The following CNTNAP5 variants were observed in gnomAD, a reference collection of about 807,000 sequenced individuals.
CNTNAP5 encodes the protein contactin associated protein family member 5.
CNTNAP5 carries 72 observed loss-of-function variants against 150.2 expected under a neutral mutation model. That is an observed-to-expected ratio of 0.48 (90% CI 0.40 to 0.58). The LOEUF (loss-of-function observed/expected upper bound fraction) is 0.58. Among genes scored for constraint, CNTNAP5 ranks in the 20% least tolerant of loss-of-function variants. CNTNAP5 has a pLI of 0.00. For missense variants in CNTNAP5, 1,636 were observed against 1,626.2 expected, an observed-to-expected ratio of 1.01 and a Z score of -0.10; for synonymous variants, 672 against 619.8, an observed-to-expected ratio of 1.08 and a Z score of -1.25.
rs115866326 is a variant in CNTNAP5, at chr2:124,852,728, T to C, written c.3218-12578T>C. 5.2e-3 allele frequency among the ~76,000 whole-genome samples: 790 copies of C among 152,216 alleles called. 14 individuals carry two copies. The highest frequency in any genetic ancestry group is 0.018 in the African/African-American group (739 of 41,548). ...TTCAGATGTGTTGTAGTTGTTCAAGTGAGAGCTGGTGATGGACTGCCTTGC... is the reference window on the plus strand; with the variant it reads ...TTCAGATGTGTTGTAGTTGTTCAAGCGAGAGCTGGTGATGGACTGCCTTGC... On this transcript the variant is annotated intron_variant, in intron 19 of 23. Coordinates refer to ENST00000682447, the MANE Select transcript of CNTNAP5 (RefSeq NM_001367498.1).
intron 13 of CNTNAP5, among the ~76,000 whole-genome samples, chr2:124,716,863 C>A (rs1447721784): frequency 1.3e-5 from 2 of 152,090 alleles, no homozygotes; most frequent in Non-Finnish European, 2.9e-5. Flanking sequence ...TGGAAATACC[C>A]ATCTCTTGGG....
At chr2:124,713,650 A>G (rs1407321260) in intron 13 of CNTNAP5, among the ~76,000 whole-genome samples, 1 of 151,986 alleles carries the variant, frequency 6.6e-6, no homozygotes, top group Non-Finnish European at 1.5e-5. Flanking sequence ...TGCTGGGATT[A>G]CAGGCGTGAG....
At chr2:124,308,439 C>A (rs534174252) in intron 3 of CNTNAP5, among the ~76,000 whole-genome samples, 3 of 152,124 alleles carry the variant, frequency 2.0e-5, no homozygotes, top group African/African-American at 7.2e-5. Flanking sequence ...AAACTAAAAT[C>A]AAACCAGATG....
rs1298507979 is a variant in CNTNAP5 at position 124,598,732 on chromosome 2, C to T, written c.1757-11069C>T. On this transcript the variant is annotated intron_variant, in intron 11 of 23. Transcript: ENST00000682447. ...TCAAGCCTGGGCAATGGCGGGCGCC[C>T]CTCCCCCAGCCTCGCTGCCGCCTTG... Among the ~76,000 whole-genome samples the T allele has an allele frequency of 2.8e-3, 426 of 152,280 alleles. 1 individual carries two copies. The highest frequency in any genetic ancestry group is 9.7e-3 in the African/African-American group (402 of 41,582).
chr2:124,692,372 G>A (rs1200235212), intron 13 of CNTNAP5, among the ~76,000 whole-genome samples: 4 of 152,168 alleles, frequency 2.6e-5, no homozygotes, highest in African/African-American at 9.6e-5. Context: ...ACTGAGGGGA[G>A]TTGAGTAGTT....
At chr2:124,606,875 GT>G (rs1677233452) in intron 11 of CNTNAP5, among the ~76,000 whole-genome samples, 1 of 152,132 alleles carries the variant, frequency 6.6e-6, no homozygotes, top group Non-Finnish European at 1.5e-5. Context: ...AATTGTGGGA[GT>G]TACAATTCAA....
At chr2:124,543,657 C>T (rs944314607) in intron 10 of CNTNAP5, among the ~76,000 whole-genome samples, 2 of 152,146 alleles carry the variant, frequency 1.3e-5, no homozygotes, top group Non-Finnish European at 2.9e-5. Context: ...CATACACTGC[C>T]ACTGTTTTTT....
intron 17 of CNTNAP5, chr2:124,778,421 C>T (rs1178472974): frequency 2.0e-5 from 3 of 152,390 alleles, no homozygotes; most frequent in Admixed American, 1.3e-4. Flanking sequence ...TTTTTGAACA[C>T]ATGCACAAGT....
At chr2:124,710,317 C>A (rs1679780202) in intron 13 of CNTNAP5, among the ~76,000 whole-genome samples, 1 of 152,146 alleles carries the variant, frequency 6.6e-6, no homozygotes, top group Non-Finnish European at 1.5e-5. Context: ...CAATTTCAGG[C>A]TACCTCTGGT....
intron 7 of CNTNAP5, among the ~76,000 whole-genome samples, chr2:124,475,593 T>C (rs1446013575): frequency 6.6e-6 from 1 of 152,118 alleles, no homozygotes; most frequent in African/African-American, 2.4e-5. Context: ...ACATACACAT[T>C]TAGTATGCTA....
intron 1 of CNTNAP5, among the ~76,000 whole-genome samples, chr2:124,153,935 T>A (rs1257356497): frequency 2.6e-5 from 4 of 152,048 alleles, no homozygotes; most frequent in Non-Finnish European, 5.9e-5. Context: ...TTCTTTTTTT[T>A]AATAGGACAT....
intron 3 of CNTNAP5, among the ~76,000 whole-genome samples, chr2:124,385,024 T>G (rs1690894043): frequency 6.6e-6 from 1 of 152,188 alleles, no homozygotes; most frequent in Admixed American, 6.5e-5. Flanking sequence ...CAGCAGGCAC[T>G]TAGCAAGTGA....
intron 20 of CNTNAP5, among the ~76,000 whole-genome samples, chr2:124,867,721 C>A (rs1483253999): frequency 6.6e-6 from 1 of 152,198 alleles, no homozygotes. Context: ...TCACTCCATA[C>A]TCATCTCATT....
At chr2:124,795,937 T>A (rs1342981190) in intron 18 of CNTNAP5, among the ~76,000 whole-genome samples, 1 of 152,044 alleles carries the variant, frequency 6.6e-6, no homozygotes, top group African/African-American at 2.4e-5. Context: ...CCTTGGAGAA[T>A]CATCATGGTC....
chr2:124,066,666 A>G (rs868585604), intron 1 of CNTNAP5, among the ~76,000 whole-genome samples: 2 of 149,958 alleles, frequency 1.3e-5, no homozygotes, highest in Non-Finnish European at 3.0e-5. Context: ...CAAAAAAAAA[A>G]TAGTTTATCT....
intron 2 of CNTNAP5, among the ~76,000 whole-genome samples, chr2:124,229,878 G>A (rs1686569874): frequency 6.7e-6 from 1 of 150,308 alleles, no homozygotes; most frequent in African/African-American, 2.4e-5. Context: ...GGAGAGGTTT[G>A]TATTTTTCTA....
intron 21 of CNTNAP5, among the ~76,000 whole-genome samples, chr2:124,902,664 T>A (rs539841829): frequency 6.6e-5 from 10 of 152,306 alleles, no homozygotes; most frequent in African/African-American, 2.2e-4. Context: ...GAAATGGCCC[T>A]GACAATTTTC....
chr2:124,107,808 C>A (rs1683202215), intron 1 of CNTNAP5, among the ~76,000 whole-genome samples: 1 of 152,150 alleles, frequency 6.6e-6, no homozygotes, highest in Admixed American at 6.5e-5. Flanking sequence ...ATGACCTGTG[C>A]CCAAGGTGAC....
rs188906446 is a variant in CNTNAP5 at position 124,810,832 on chromosome 2, T to A, written c.3217+12512T>A. On this transcript the variant is annotated intron_variant, in intron 19 of 23. Transcript: ENST00000682447. ...CATTTAACAATACACAGAGACATTT[T>A]TCATTGTCAAGATGGGACTGCTACA... Among the ~76,000 whole-genome samples the A allele has an allele frequency of 1.2e-3, 184 of 152,108 alleles. 1 individual carries two copies. Among genetic ancestry groups the A allele is most frequent in the African/African-American group, 3.7e-3 (154 of 41,508 alleles).
Sources: allele counts gnomAD v4.1 joint callset (sites outside exome capture counted in the v4.1 genomes callset), GRCh38; gene constraint gnomAD v4.1.1; transcripts MANE v1.5; gene names NCBI Gene and HGNC (gene_info 2026-07-23, HGNC 2026-07-21).